Variants in APP observed in about 807,000 individuals in gnomAD.
APP encodes amyloid beta precursor protein, also known as amyloid-beta precursor protein.
In APP, 31 loss-of-function variants were observed where a neutral mutation model predicts 101.4. That is an observed-to-expected ratio of 0.31 (90% CI 0.23 to 0.41). The LOEUF (loss-of-function observed/expected upper bound fraction) is 0.41. APP is among the 10% of genes least tolerant of loss of function. The probability of loss-of-function intolerance (pLI) is 1.00; values close to 1 mark genes in which losing one functional copy is unlikely to be tolerated. For missense variants in APP, 839 were observed against 1,003.7 expected (o/e 0.84, Z 2.22); for synonymous variants, 366 against 364.4 (o/e 1.00, Z -0.05).
intron 1 of APP, among the ~76,000 whole-genome samples, chr21:26,165,664 C>T (rs1425723137): frequency 6.6e-6 from 1 of 152,190 alleles, no homozygotes; most frequent in Non-Finnish European, 1.5e-5. Context: ...CTCATCTTCC[C>T]CATTTTAACT....
At chr21:26,106,831 C>G (rs1234430871) in intron 2 of APP, among the ~76,000 whole-genome samples, 1 of 152,214 alleles carries the variant, frequency 6.6e-6, no homozygotes. Context: ...GAGTCCACAG[C>G]TGACTCACCA....
chr21:25,935,862 C>G (rs374796336), intron 13 of APP, among the ~76,000 whole-genome samples: 1 of 84,086 alleles, frequency 1.2e-5, no homozygotes, highest in African/African-American at 4.1e-5. Flanking sequence ...AAAAAAAAAA[C>G]CTGTCAAATC....
chr21:26,135,345 G>A (rs1348491557), intron 1 of APP, among the ~76,000 whole-genome samples: 1 of 152,138 alleles, frequency 6.6e-6, no homozygotes, highest in Non-Finnish European at 1.5e-5. Flanking sequence ...TTATATGCAC[G>A]ACTTCTATAA....
At chr21:26,052,803 CAAAA>C (rs1283248292) in intron 4 of APP, among the ~76,000 whole-genome samples, 1 of 152,008 alleles carries the variant, frequency 6.6e-6, no homozygotes, top group Non-Finnish European at 1.5e-5. Flanking sequence ...TTGTATATGA[CAAAA>C]GAAAACAACA....
intron 3 of APP, among the ~76,000 whole-genome samples, chr21:26,057,630 T>C (rs908794588): frequency 6.6e-6 from 1 of 152,128 alleles, no homozygotes; most frequent in Admixed American, 6.5e-5. Flanking sequence ...TGCTAGCTCT[T>C]TGGTGGTCTT....
intron 1 of APP, among the ~76,000 whole-genome samples, chr21:26,166,888 GAGAGAGAGAGAGAGAGAA>G (rs756007467): frequency 0.027 from 2,615 of 97,810 alleles, 41 homozygotes; most frequent in African/African-American, 0.098. Flanking sequence ...GAGAGAGAGA[GAGAGAGAGAGAGAGAGAA>G]AGAGAGAGAA....
In APP at chr21:26,163,074, A is replaced by AAC. The variant is rs1555885825; in HGVS notation, c.57+7489_57+7490insGT. Among the ~76,000 whole-genome samples the AAC allele has an allele frequency of 1.4e-3, 202 of 148,960 alleles. 2 individuals carry two copies. The highest frequency in any genetic ancestry group is 2.6e-3 in the Non-Finnish European group (176 of 67,304). On this transcript the variant is annotated intron_variant, in intron 1 of 17. Coordinates refer to ENST00000346798, the MANE Select transcript of APP (RefSeq NM_000484.4). ...GAAACCCTGTCTCTACTAAAAAAAA[A>AAC]AAAAACAAAAACAAAAATTAGCCAG...
At position 25,891,785 on chromosome 21, in the gene APP, G is replaced by T. The variant is rs145564988; in HGVS notation, c.2148C>A (p.Ile716=). 3.8e-4 allele frequency: 611 copies of T among 1,614,022 alleles called. 2 individuals carry two copies. In the African/African-American group the frequency reaches 7.0e-3, roughly 19 times the overall value. The change falls in exon 17 of 18, where the codon ATC becomes ATA. Residue 716 remains isoleucine, a synonymous_variant. Coordinates refer to ENST00000346798, the MANE Select transcript of APP (RefSeq NM_000484.4). ...TCTTCAGCATCACCAAGGTGATGAC[G>T]ATCACTGTCGCTATGACAACACCGC... is the stretch of plus-strand genomic sequence containing the variant. The part of the protein sequence containing the change: ...MVGGVVIATV[I]VITLVMLKKK...
At position 26,051,029 on chromosome 21, in the gene APP, G is replaced by C; in HGVS notation, c.633C>G (p.Gly211=). 6.2e-7 allele frequency: 1 copy of C among 1,614,040 alleles called. No homozygotes were observed. The highest frequency in any genetic ancestry group is 8.5e-7 in the Non-Finnish European group (1 of 1,180,006). The change falls in exon 5 of 18, where the codon GGC becomes GGG. Residue 211 remains glycine (G), a synonymous_variant. Transcript: ENST00000346798. ...CATCTGCATAGTCTGTGTCTGCTCC[G>C]CCCCACCAGACATCCGAGTCATCCT... ...AEEDDSDVWW[G]GADTDYADGS...
chr21:26,073,061 G>C (rs2061436271), intron 3 of APP, among the ~76,000 whole-genome samples: 1 of 151,936 alleles, frequency 6.6e-6, no homozygotes, highest in South Asian at 2.1e-4. Flanking sequence ...ATGAGGCCTG[G>C]CCTGGACATA....
intron 13 of APP, among the ~76,000 whole-genome samples, chr21:25,952,861 CTTAT>C (rs1268622685): frequency 6.6e-6 from 1 of 152,176 alleles, no homozygotes; most frequent in Non-Finnish European, 1.5e-5. Flanking sequence ...CTTCTTTACA[CTTAT>C]TTAATACATA....
intron 3 of APP, among the ~76,000 whole-genome samples, chr21:26,053,994 C>A (rs1173958007): frequency 1.3e-5 from 2 of 152,134 alleles, no homozygotes; most frequent in Admixed American, 1.3e-4. Flanking sequence ...TACATAAAGT[C>A]CTACATGAAC....
chr21:26,034,360 A>AT (rs1282619051), intron 5 of APP, among the ~76,000 whole-genome samples: 1 of 152,186 alleles, frequency 6.6e-6, no homozygotes, highest in African/African-American at 2.4e-5. Context: ...GAAATCTACT[A>AT]TCGGCCAGGC....
intron 11 of APP, among the ~76,000 whole-genome samples, chr21:25,963,707 A>G (rs2041678136): frequency 6.6e-6 from 1 of 152,216 alleles, no homozygotes; most frequent in African/African-American, 2.4e-5. Flanking sequence ...ATCACACTTT[A>G]GAGAGTTAAG....
chr21:26,091,265 G>C (rs2061818382), intron 2 of APP, among the ~76,000 whole-genome samples: 1 of 152,166 alleles, frequency 6.6e-6, no homozygotes, highest in South Asian at 2.1e-4. Context: ...AAAGGTGGTA[G>C]GGACCAGTGG....
At chr21:26,005,681 T>A (rs1363173555) in intron 6 of APP, among the ~76,000 whole-genome samples, 4 of 152,190 alleles carry the variant, frequency 2.6e-5, no homozygotes. Context: ...GATAAAAATA[T>A]CTCAAGAGAG....
At chr21:25,936,326 G>C (rs1042336565) in intron 13 of APP, among the ~76,000 whole-genome samples, 8 of 152,234 alleles carry the variant, frequency 5.3e-5, no homozygotes, top group Admixed American at 4.6e-4. Flanking sequence ...GGGCAAGGCA[G>C]GTGGATCACC....
At chr21:26,116,696 G>A (rs947762458) in intron 1 of APP, among the ~76,000 whole-genome samples, 1 of 152,156 alleles carries the variant, frequency 6.6e-6, no homozygotes, top group Non-Finnish European at 1.5e-5. Flanking sequence ...GGCAAGGAGA[G>A]GGCACAGATC....
intron 1 of APP, among the ~76,000 whole-genome samples, chr21:26,136,211 G>GAAAGAA (rs2062913939): frequency 7.4e-6 from 1 of 135,768 alleles, no homozygotes; most frequent in African/African-American, 2.9e-5. Context: ...GAAAAGAAAA[G>GAAAGAA]AAAGAAAAGA....
Sources: gnomAD v4.1 joint callset for allele counts (sites outside exome capture counted in the v4.1 genomes callset) on GRCh38, gnomAD v4.1.1 for gene constraint, MANE v1.5 for transcripts, NCBI Gene and HGNC (gene_info 2026-07-23, HGNC 2026-07-21) for gene names.